The following C1QTNF3 variants were observed in gnomAD, a reference collection of about 807,000 sequenced individuals.
C1QTNF3 encodes complement C1q tumor necrosis factor-related protein 3.
Under a neutral mutation model 32.6 loss-of-function variants are expected in C1QTNF3, and 26 were observed. That is an observed-to-expected ratio of 0.80 (90% CI 0.58 to 1.11). C1QTNF3 has a LOEUF of 1.11. Ranked by LOEUF, C1QTNF3 falls within the 50% of genes least tolerant of loss-of-function variation. C1QTNF3 has a pLI of 0.00. For missense variants in C1QTNF3, 362 were observed against 398.2 expected (o/e 0.91, Z 0.77); for synonymous variants, 155 against 146.0 (o/e 1.06, Z -0.44).
chr5:34,124,855 C>A, the C1QTNF3 span, among the ~76,000 whole-genome samples: 3 of 152,150 alleles, frequency 2.0e-5, no homozygotes, highest in Non-Finnish European at 4.4e-5. Context: ...GATTGATTCT[C>A]CACTAAATTG....
chr5:34,169,463 G>T, the C1QTNF3 span, among the ~76,000 whole-genome samples: 3 of 151,908 alleles, frequency 2.0e-5, no homozygotes, highest in Non-Finnish European at 4.4e-5. Context: ...ATCAGATTAT[G>T]CATGTTTTGC....
chr5:34,029,418 G>A (rs558307862), intron 3 of C1QTNF3, among the ~76,000 whole-genome samples: 14 of 152,188 alleles, frequency 9.2e-5, no homozygotes, highest in Admixed American at 2.6e-4. Flanking sequence ...GGGATTATAG[G>A]CGTGAGCCAT....
the C1QTNF3 span, among the ~76,000 whole-genome samples, chr5:34,236,837 A>G: frequency 6.6e-6 from 1 of 151,826 alleles, no homozygotes; most frequent in East Asian, 1.9e-4. Flanking sequence ...TGGCCTCCCA[A>G]AGTGCTGGGA....
chr5:34,049,687 T>A, the C1QTNF3 span, among the ~76,000 whole-genome samples: 1 of 152,186 alleles, frequency 6.6e-6, no homozygotes. Flanking sequence ...AATTGCCTAA[T>A]GTGACTGTGA....
chr5:34,240,685 G>A, the C1QTNF3 span, among the ~76,000 whole-genome samples: 4 of 152,032 alleles, frequency 2.6e-5, no homozygotes, highest in East Asian at 1.9e-4. Flanking sequence ...AAATTCTACC[G>A]GAAGTATAAA....
chr5:34,056,420 A>ATGTGTGTGTGTG, the C1QTNF3 span, among the ~76,000 whole-genome samples: 3 of 38,744 alleles, frequency 7.7e-5, 1 homozygote, highest in Non-Finnish European at 9.6e-5. Flanking sequence ...ATGTATATGT[A>ATGTGTGTGTGTG]TGTGTGTGTG....
At position 34,018,806 on chromosome 5, in the gene C1QTNF3, T is replaced by A. The variant is rs776344529; in HGVS notation, c.*1777A>T. ...TCCCTGAAGCAAGCAGAAACTCAAG[T>A]GCTTCGTTTGCAGAGTTGTTTTAAG... On this transcript the variant is annotated 3_prime_UTR_variant, in exon 6 of 6. Transcript: ENST00000382065. 1.3e-5 allele frequency among the ~76,000 whole-genome samples: 2 copies of A among 152,196 alleles called. No individual in the cohort carries two copies. The highest frequency in any genetic ancestry group is 4.8e-5 in the African/African-American group (2 of 41,456).
chr5:34,178,191 G>C, the C1QTNF3 span, among the ~76,000 whole-genome samples: 1 of 150,788 alleles, frequency 6.6e-6, no homozygotes. Context: ...TGATGCAGGA[G>C]AATTGCTTGA....
the C1QTNF3 span, among the ~76,000 whole-genome samples, chr5:34,154,369 G>T: frequency 6.6e-6 from 1 of 152,100 alleles, no homozygotes; most frequent in African/African-American, 2.4e-5. Context: ...CTTTTTTAAT[G>T]AGGATCACAA....
intron 3 of C1QTNF3, among the ~76,000 whole-genome samples, chr5:34,031,898 T>C (rs941160340): frequency 6.6e-6 from 1 of 152,144 alleles, no homozygotes; most frequent in African/African-American, 2.4e-5. Flanking sequence ...TTCAAGCTAT[T>C]TTAAACTTGA....
At chr5:34,177,574 C>A in the C1QTNF3 span, among the ~76,000 whole-genome samples, 78 of 150,700 alleles carry the variant, frequency 5.2e-4, no homozygotes, top group Middle Eastern at 3.4e-3. Context: ...GCAACCTCCA[C>A]CTCCCCAGTT....
chr5:34,098,534 ATTTG>A, the C1QTNF3 span, among the ~76,000 whole-genome samples: 6 of 152,022 alleles, frequency 3.9e-5, no homozygotes, highest in Non-Finnish European at 5.9e-5. Flanking sequence ...GCGCTGAGTT[ATTTG>A]TTTGTATCAC....
the C1QTNF3 span, among the ~76,000 whole-genome samples, chr5:34,075,846 C>T: frequency 6.0e-5 from 9 of 149,880 alleles, 1 homozygote; most frequent in Non-Finnish European, 7.4e-5. Context: ...CCCCAGGTGT[C>T]ACACAGTCAA....
the C1QTNF3 span, among the ~76,000 whole-genome samples, chr5:34,078,426 G>A: frequency 4.6e-5 from 7 of 151,966 alleles, no homozygotes; most frequent in East Asian, 3.9e-4. The surrounding 1 kb of genome is among the most constrained non-coding windows in gnomAD (Gnocchi z 4.0). Context: ...CAATCATGGC[G>A]GAAGGGGAAG....
At chr5:34,024,131 G>T in intron 4 of C1QTNF3, 123 bp from the exon 5 acceptor site, 1 of 710,252 alleles carries the variant, frequency 1.4e-6, no homozygotes. Flanking sequence ...GTAGTATGGT[G>T]TCTCTCCTTG....
At chr5:34,072,691 T>A in the C1QTNF3 span, among the ~76,000 whole-genome samples, 1 of 152,246 alleles carries the variant, frequency 6.6e-6, no homozygotes, top group South Asian at 2.1e-4. Flanking sequence ...TTGAAGGTAT[T>A]CTTTTTTCAA....
the C1QTNF3 span, among the ~76,000 whole-genome samples, chr5:34,078,276 C>A: frequency 6.6e-6 from 1 of 151,732 alleles, no homozygotes; most frequent in East Asian, 1.9e-4. The surrounding 1 kb of genome is among the most constrained non-coding windows in gnomAD (Gnocchi z 4.0). Flanking sequence ...TTGCCTCCAC[C>A]GGATACCCAG....
the C1QTNF3 span, among the ~76,000 whole-genome samples, chr5:34,174,794 C>T: frequency 1.7e-4 from 26 of 152,190 alleles, no homozygotes; most frequent in South Asian, 4.2e-4. Context: ...GGCTGGAGTG[C>T]GGTGGCACAA....
At chr5:34,124,189 T>C in the C1QTNF3 span, 3 of 414,714 alleles carry the variant, frequency 7.2e-6, no homozygotes, top group East Asian at 3.9e-5. Context: ...GCCGTCCTTT[T>C]ATTAATTAGT....
Sources: allele counts gnomAD v4.1 joint callset (sites outside exome capture counted in the v4.1 genomes callset), GRCh38; gene constraint gnomAD v4.1.1; non-coding constraint Gnocchi (gnomAD v3.1); transcripts MANE v1.5; gene names NCBI Gene and HGNC (gene_info 2026-07-23, HGNC 2026-07-21).